Variants in ABCA12 observed in about 807,000 individuals in gnomAD.
The protein encoded by ABCA12 is ATP binding cassette subfamily A member 12.
Under a neutral mutation model 293.5 loss-of-function variants are expected in ABCA12, and 156 were observed. The ratio of observed to expected loss-of-function variants is 0.53; its 90% CI spans 0.47 to 0.61. ABCA12 has a LOEUF of 0.61. Ranked by LOEUF, ABCA12 falls within the 20% of genes least tolerant of loss-of-function variation. The pLI is 0.00. For missense variants in ABCA12, 2,797 were observed against 3,090.2 expected, an observed-to-expected ratio of 0.91 and a Z score of 2.25; for synonymous variants, 1,063 against 1,108.0, an observed-to-expected ratio of 0.96 and a Z score of 0.81.
intron 11 of ABCA12, among the ~76,000 whole-genome samples, chr2:215,024,404 A>G (rs959935344): frequency 2.0e-5 from 3 of 152,344 alleles, no homozygotes; most frequent in Middle Eastern, 3.4e-3. Context: ...TAAATATTAT[A>G]GGAGCACAGA....
At chr2:215,010,305 T>A in intron 18 of ABCA12, 26 bp downstream of exon 18, 1 of 1,613,136 alleles carries the variant, frequency 6.2e-7, no homozygotes, top group Non-Finnish European at 8.5e-7. Flanking sequence ...ATAGTCAAAA[T>A]AGAAACTGAG....
In ABCA12 at chr2:215,109,618, A is replaced by G. The variant is rs147328405; in HGVS notation, c.163+1979T>C. 4.3e-4 allele frequency among the ~76,000 whole-genome samples: 66 copies of G among 152,276 alleles called. 1 individual carries two copies. Among genetic ancestry groups the G allele is most frequent in the Admixed American group, 3.7e-3 (57 of 15,290 alleles). ...AGTTATTCATCTCCTCCCTGATACA[A>G]TGTTTTTTCAGAGCCCTTTAGATTA... On this transcript the variant is annotated intron_variant, in intron 2 of 52. Transcript: ENST00000272895.
At chr2:215,092,480 G>A (rs1462433214) in intron 2 of ABCA12, among the ~76,000 whole-genome samples, 1 of 151,880 alleles carries the variant, frequency 6.6e-6, no homozygotes, top group Non-Finnish European at 1.5e-5. Flanking sequence ...TAACCCACAA[G>A]TATTGGACAC....
chr2:214,942,523 G>A (rs1471087791), intron 50 of ABCA12, among the ~76,000 whole-genome samples: 1 of 152,078 alleles, frequency 6.6e-6, no homozygotes, highest in African/African-American at 2.4e-5. Context: ...GAAAGACTGT[G>A]CAAATGGCAA....
intron 43 of ABCA12, among the ~76,000 whole-genome samples, chr2:214,954,531 A>G (rs1365947121): frequency 3.3e-5 from 5 of 152,186 alleles, no homozygotes; most frequent in East Asian, 3.9e-4. Context: ...ATGAGGTAGA[A>G]GAAGAGCCAA....
At chr2:215,131,304 G>C (rs1315720585) in intron 1 of ABCA12, among the ~76,000 whole-genome samples, 3 of 151,958 alleles carry the variant, frequency 2.0e-5, no homozygotes, top group Admixed American at 2.0e-4. Flanking sequence ...GTTTCACCAA[G>C]ATTGGTACCA....
intron 1 of ABCA12, among the ~76,000 whole-genome samples, chr2:215,112,897 T>C (rs942296594): frequency 1.3e-5 from 2 of 152,186 alleles, no homozygotes; most frequent in Non-Finnish European, 2.9e-5. Flanking sequence ...CTGCTTAATA[T>C]TTTATAGACC....
rs1179433980 is a variant in ABCA12 at position 215,017,989 on chromosome 2, C to T, written c.1782+19G>A. ...AATTTCTAAGAACTGCATGTAAGTACAAACACATGACACCCCACCTCAGCT... is the reference window on the plus strand; with the variant it reads ...AATTTCTAAGAACTGCATGTAAGTATAAACACATGACACCCCACCTCAGCT... On this transcript the variant is annotated intron_variant, in intron 14 of 52. Transcript: ENST00000272895. 3 of 1,613,886 alleles carry T rather than the reference C, an allele frequency of 1.9e-6. No individual in the cohort carries two copies. Among genetic ancestry groups the T allele is most frequent in the Non-Finnish European group, 2.5e-6 (3 of 1,180,010 alleles).
chr2:214,934,272 C>G, intron 51 of ABCA12, 57 bp from the exon 52 acceptor site: 1 of 1,591,800 alleles, frequency 6.3e-7, no homozygotes, highest in Non-Finnish European at 8.6e-7. Context: ...GTTGACATGA[C>G]TAGACATAAC....
intron 2 of ABCA12, among the ~76,000 whole-genome samples, chr2:215,090,208 C>G (rs563735876): frequency 1.3e-5 from 2 of 152,176 alleles, no homozygotes; most frequent in African/African-American, 4.8e-5. Context: ...TTTGCTGACT[C>G]TCTTTTCGGA....
At chr2:215,037,156 T>G in intron 7 of ABCA12, 91 bp from the exon 8 acceptor site, 2 of 928,200 alleles carry the variant, frequency 2.2e-6, no homozygotes, top group East Asian at 2.7e-5. Context: ...GGCTACAGTA[T>G]AAATTATTCT....
intron 36 of ABCA12, 73 bp from the exon 37 acceptor site, chr2:214,970,473 C>T (rs566741675): frequency 1.3e-6 from 2 of 1,550,742 alleles, no homozygotes; most frequent in Admixed American, 1.7e-5. Flanking sequence ...TGTCAAGGAG[C>T]TTCAGTCTCA....
At chr2:215,082,098 G>A (rs1367753765) in intron 2 of ABCA12, among the ~76,000 whole-genome samples, 2 of 135,486 alleles carry the variant, frequency 1.5e-5, no homozygotes, top group African/African-American at 2.8e-5. Context: ...AGGCTAGAGT[G>A]CAGTGGCACG....
chr2:215,099,217 G>A (rs780670228), intron 2 of ABCA12, among the ~76,000 whole-genome samples: 5 of 152,200 alleles, frequency 3.3e-5, no homozygotes, highest in Non-Finnish European at 7.3e-5. Context: ...AGGCCCAGCT[G>A]GGGAGAAGCT....
intron 1 of ABCA12, among the ~76,000 whole-genome samples, chr2:215,128,912 C>T (rs922047002): frequency 6.6e-6 from 1 of 152,160 alleles, no homozygotes; most frequent in African/African-American, 2.4e-5. Context: ...CTGTTTCCTT[C>T]TCATTTGGGT....
At chr2:215,056,658 T>C (rs750621763) in intron 3 of ABCA12, among the ~76,000 whole-genome samples, 167 of 152,186 alleles carry the variant, frequency 1.1e-3, no homozygotes, top group Non-Finnish European at 1.9e-3. Flanking sequence ...ATCAAAACTG[T>C]TTTCTTTAAA....
intron 11 of ABCA12, chr2:215,025,433 T>A: frequency 2.2e-6 from 1 of 449,002 alleles, no homozygotes; most frequent in South Asian, 2.3e-5. Flanking sequence ...GTAGCTGGAA[T>A]TACAGGCATG....
intron 44 of ABCA12, among the ~76,000 whole-genome samples, chr2:214,953,161 C>T (rs1319882740): frequency 2.6e-5 from 4 of 152,164 alleles, no homozygotes; most frequent in Admixed American, 2.0e-4. Flanking sequence ...ATATTAAAGA[C>T]ACTTCCAAAT....
chr2:215,057,315 C>T (rs148662606), intron 3 of ABCA12, among the ~76,000 whole-genome samples: 41 of 152,122 alleles, frequency 2.7e-4, no homozygotes, highest in Non-Finnish European at 5.4e-4. Context: ...TGGGCCCTGT[C>T]ATCATAGGTA....
Sources: gnomAD v4.1 joint callset for allele counts (sites outside exome capture counted in the v4.1 genomes callset) on GRCh38, gnomAD v4.1.1 for gene constraint, MANE v1.5 for transcripts, NCBI Gene and HGNC (gene_info 2026-07-23, HGNC 2026-07-21) for gene names.